The following CDH13 variants were observed in gnomAD, a reference collection of about 807,000 sequenced individuals.
CDH13 encodes cadherin 13, also known as cadherin-13.
CDH13 carries 24 observed loss-of-function variants against 63.8 expected under a neutral mutation model. That is an observed-to-expected ratio of 0.38 (90% CI 0.27 to 0.53). The LOEUF is 0.53. CDH13 is among the 20% of genes least tolerant of loss of function. The pLI, the probability that CDH13 is intolerant of heterozygous loss-of-function variation, is 0.85. For missense variants in CDH13, 1,049 were observed against 903.1 expected, an observed-to-expected ratio of 1.16 and a Z score of -2.07; for synonymous variants, 503 against 355.3, an observed-to-expected ratio of 1.42 and a Z score of -4.67.
At chr16:83,134,788 C>G (rs1266656125) in intron 4 of CDH13, among the ~76,000 whole-genome samples, 3 of 152,154 alleles carry the variant, frequency 2.0e-5, no homozygotes, top group African/African-American at 7.2e-5. Context: ...TAATTAATGA[C>G]AAAACATAAT....
intron 1 of CDH13, among the ~76,000 whole-genome samples, chr16:82,794,911 T>A (rs1387105653): frequency 6.6e-6 from 1 of 152,212 alleles, no homozygotes; most frequent in Non-Finnish European, 1.5e-5. Flanking sequence ...GTTTCCAAGA[T>A]TCAGGACTTA....
intron 8 of CDH13, among the ~76,000 whole-genome samples, chr16:83,666,946 T>C (rs1914017734): frequency 6.6e-6 from 1 of 152,146 alleles, no homozygotes; most frequent in Admixed American, 6.6e-5. Context: ...GTAATCTCTC[T>C]GAGGAAATAT....
intron 5 of CDH13, among the ~76,000 whole-genome samples, chr16:83,338,601 G>A (rs1389236716): frequency 6.6e-6 from 1 of 152,254 alleles, no homozygotes; most frequent in African/African-American, 2.4e-5. Flanking sequence ...CTGACGCCAT[G>A]GGAATGTAAG....
chr16:82,672,136 C>G (rs1416697235), intron 1 of CDH13, among the ~76,000 whole-genome samples: 1 of 152,238 alleles, frequency 6.6e-6, no homozygotes, highest in East Asian at 1.9e-4. Flanking sequence ...AACTCAGTAA[C>G]TTCCCAACTG....
At chr16:82,666,834 C>T (rs1389102305) in intron 1 of CDH13, among the ~76,000 whole-genome samples, 1 of 152,182 alleles carries the variant, frequency 6.6e-6, no homozygotes, top group African/African-American at 2.4e-5. Flanking sequence ...GCCAGCCTGC[C>T]TTCCCACCAT....
intron 7 of CDH13, among the ~76,000 whole-genome samples, chr16:83,517,939 GA>G (rs1241999262): frequency 6.6e-6 from 1 of 152,060 alleles, no homozygotes; most frequent in Non-Finnish European, 1.5e-5. Context: ...TTACAGATAA[GA>G]AAACTGAGCC....
chr16:83,439,916 C>T (rs1018698329), intron 6 of CDH13, among the ~76,000 whole-genome samples: 1 of 152,142 alleles, frequency 6.6e-6, no homozygotes, highest in Non-Finnish European at 1.5e-5. Flanking sequence ...GTAAAAAATT[C>T]TATGTAGGTC....
At chr16:83,431,370 C>T (rs1364713856) in intron 6 of CDH13, among the ~76,000 whole-genome samples, 1 of 151,772 alleles carries the variant, frequency 6.6e-6, no homozygotes, top group Non-Finnish European at 1.5e-5. Flanking sequence ...GGTCCTATCT[C>T]CTTATCATTT....
intron 4 of CDH13, among the ~76,000 whole-genome samples, chr16:83,151,313 T>C (rs559716214): frequency 1.2e-4 from 18 of 152,338 alleles, no homozygotes; most frequent in African/African-American, 3.8e-4. Flanking sequence ...ATTTCCAGAC[T>C]GTACCTCACA....
intron 2 of CDH13, among the ~76,000 whole-genome samples, chr16:82,984,897 G>A (rs1178963977): frequency 6.6e-6 from 1 of 152,068 alleles, no homozygotes; most frequent in Admixed American, 6.5e-5. Flanking sequence ...CTTTTACCCT[G>A]GGACTTACAG....
At chr16:82,854,591 C>T (rs550048124) in intron 1 of CDH13, among the ~76,000 whole-genome samples, 2 of 152,234 alleles carry the variant, frequency 1.3e-5, no homozygotes, top group South Asian at 2.1e-4. Flanking sequence ...AAATAATTCA[C>T]GTGTAAGCGA....
chr16:83,242,667 C>T (rs1350036204), intron 5 of CDH13, among the ~76,000 whole-genome samples: 1 of 152,150 alleles, frequency 6.6e-6, no homozygotes, highest in African/African-American at 2.4e-5. Flanking sequence ...AATTCTCTGT[C>T]TTAGGGACAA....
chr16:83,428,734 G>T (rs928516834), intron 6 of CDH13, among the ~76,000 whole-genome samples: 1 of 152,208 alleles, frequency 6.6e-6, no homozygotes, highest in Non-Finnish European at 1.5e-5. Context: ...TCTTGCCTTT[G>T]TTCCTTTGGG....
In CDH13 at chr16:82,858,398, A is replaced by G. The variant is rs771736381; in HGVS notation, c.82A>G (p.Thr28Ala). The G allele has an allele frequency of 1.1e-5, 18 of 1,613,724 alleles. No individual in the cohort carries two copies. The highest frequency in any genetic ancestry group is 5.5e-5 in the South Asian group (5 of 91,062). ...AACATCTGCAGAAGATTTGGACTGC[A>G]CTCCTGGATTTCAGCAGAAAGTGTT... ...LLTSAEDLDC[T>A]PGFQQKVFHI... Residue 28 changes from threonine to alanine, a missense_variant, in exon 2 of 14, where the codon ACT becomes GCT. Transcript: ENST00000567109.
intron 2 of CDH13, among the ~76,000 whole-genome samples, chr16:82,933,052 G>A (rs951480104): frequency 1.3e-5 from 2 of 152,018 alleles, no homozygotes; most frequent in African/African-American, 2.4e-5. Flanking sequence ...TTGAGAAAGG[G>A]GTTTGCATGA....
intron 7 of CDH13, among the ~76,000 whole-genome samples, chr16:83,561,096 T>C (rs576400879): frequency 2.0e-4 from 31 of 152,318 alleles, no homozygotes; most frequent in Admixed American, 1.8e-3. Flanking sequence ...TTTGTTTGGA[T>C]GTTGTTCTTT....
At chr16:83,484,606 A>T (rs146159283) in intron 6 of CDH13, among the ~76,000 whole-genome samples, 41 of 152,334 alleles carry the variant, frequency 2.7e-4, no homozygotes, top group African/African-American at 9.6e-4. Context: ...AAATAAACAA[A>T]ATGTTATAGA....
intron 3 of CDH13, among the ~76,000 whole-genome samples, chr16:83,082,474 T>C (rs1266417324): frequency 6.7e-6 from 1 of 148,990 alleles, no homozygotes; most frequent in Non-Finnish European, 1.5e-5. Flanking sequence ...AAAATAAAAA[T>C]AAAAAAAAAA....
chr16:83,602,949 GC>G (rs1907987064), intron 8 of CDH13, among the ~76,000 whole-genome samples: 1 of 152,082 alleles, frequency 6.6e-6, no homozygotes, highest in South Asian at 2.1e-4. Context: ...TTTTTTTCCA[GC>G]AAGTGCAGAT....
Sources: allele counts gnomAD v4.1 joint callset (sites outside exome capture counted in the v4.1 genomes callset), GRCh38; gene constraint gnomAD v4.1.1; transcripts MANE v1.5; gene names NCBI Gene and HGNC (gene_info 2026-07-23, HGNC 2026-07-21).